Variants in CAST observed in about 807,000 individuals in gnomAD.
The protein encoded by CAST is calpastatin, also known as MIR583 host.
CAST carries 76 observed loss-of-function variants against 119.6 expected under a neutral mutation model. The ratio of observed to expected loss-of-function variants is 0.64; its 90% CI spans 0.53 to 0.77. The LOEUF (loss-of-function observed/expected upper bound fraction) is 0.77. Among genes scored for constraint, CAST ranks in the 30% least tolerant of loss-of-function variants. CAST has a pLI of 0.00. For missense variants in CAST, 953 were observed against 946.5 expected (o/e 1.01, Z -0.09); for synonymous variants, 319 against 331.6 (o/e 0.96, Z 0.41).
chr5:95,989,554 C>T, the CAST span, among the ~76,000 whole-genome samples: 6 of 152,130 alleles, frequency 3.9e-5, no homozygotes, highest in Non-Finnish European at 7.4e-5. Flanking sequence ...AGTAAATAGG[C>T]CTGATTACCT....
intron 1 of CAST, among the ~76,000 whole-genome samples, chr5:96,555,243 G>A (rs1366699467): frequency 1.3e-5 from 2 of 152,108 alleles, no homozygotes; most frequent in Non-Finnish European, 2.9e-5. Flanking sequence ...TGAGTTCGGA[G>A]GGTGGAGCCA....
the CAST span, chr5:96,318,728 G>A: frequency 2.6e-5 from 4 of 152,202 alleles, no homozygotes; most frequent in African/African-American, 7.2e-5. Flanking sequence ...ATATCACTCC[G>A]CACTTTGCTT....
At chr5:96,165,927 T>G in the CAST span, among the ~76,000 whole-genome samples, 1 of 152,174 alleles carries the variant, frequency 6.6e-6, no homozygotes, top group East Asian at 1.9e-4. Context: ...AGGACACACT[T>G]TCACATTTAA....
the CAST span, chr5:96,079,163 G>A: frequency 4.2e-6 from 2 of 475,142 alleles, no homozygotes; most frequent in South Asian, 3.1e-5. Context: ...CAAAGAGGAA[G>A]GTCCCATTAC....
At chr5:96,669,560 G>C (rs1163709301) in intron 1 of CAST, among the ~76,000 whole-genome samples, 1 of 152,176 alleles carries the variant, frequency 6.6e-6, no homozygotes, top group African/African-American at 2.4e-5. Context: ...GTACAATAAA[G>C]TGCTAATTTG....
At chr5:96,479,897 A>G in the CAST span, among the ~76,000 whole-genome samples, 21 of 152,308 alleles carry the variant, frequency 1.4e-4, no homozygotes, top group South Asian at 4.4e-3. Context: ...GGGTGGCAAG[A>G]GCACTCCAGG....
chr5:96,048,226 T>C, the CAST span, among the ~76,000 whole-genome samples: 2 of 152,270 alleles, frequency 1.3e-5, no homozygotes, highest in African/African-American at 4.8e-5. Context: ...TGATCATATT[T>C]GTGTTTTGCA....
intron 21 of CAST, 59 bp downstream of exon 21, chr5:96,754,220 C>A (rs1765787250): frequency 4.0e-6 from 4 of 1,010,706 alleles, no homozygotes; most frequent in Admixed American, 3.6e-5. Flanking sequence ...TCTCCCCCTG[C>A]AAATAAGTTA....
At chr5:96,405,321 T>C in the CAST span, among the ~76,000 whole-genome samples, 1 of 152,174 alleles carries the variant, frequency 6.6e-6, no homozygotes, top group Non-Finnish European at 1.5e-5. Flanking sequence ...CTATAAGCCA[T>C]TCCCCAGAAA....
chr5:96,361,413 C>T, the CAST span, among the ~76,000 whole-genome samples: 14 of 152,200 alleles, frequency 9.2e-5, 1 homozygote, highest in Non-Finnish European at 1.9e-4. Context: ...TCAGTGTCTG[C>T]CCAAATGGCT....
chr5:96,742,842 C>A, intron 16 of CAST, 86 bp downstream of exon 16: 1 of 933,280 alleles, frequency 1.1e-6, no homozygotes, highest in Non-Finnish European at 1.7e-6. Context: ...AATTCTCGCA[C>A]AACTTTTATT....
the CAST span, among the ~76,000 whole-genome samples, chr5:96,284,482 C>T: frequency 6.6e-6 from 1 of 152,132 alleles, no homozygotes; most frequent in African/African-American, 2.4e-5. Flanking sequence ...TGACGGTGGG[C>T]TCTATTTTGG....
chr5:96,713,413 G>A (rs1756586041), intron 3 of CAST, among the ~76,000 whole-genome samples: 1 of 152,070 alleles, frequency 6.6e-6, no homozygotes, highest in Non-Finnish European at 1.5e-5. Context: ...TTGCAGGTGT[G>A]AGCCACCGTG....
chr5:96,319,396 AAC>A, the CAST span, among the ~76,000 whole-genome samples: 2 of 152,184 alleles, frequency 1.3e-5, no homozygotes, highest in Non-Finnish European at 2.9e-5. Context: ...ATGAAAATGA[AAC>A]ACAGAAAAAT....
intron 1 of CAST, chr5:96,663,104 C>G (rs772002692): frequency 1.4e-6 from 1 of 702,478 alleles, no homozygotes; most frequent in South Asian, 1.5e-5. Context: ...CCGGCTCCCC[C>G]GCCGTGCGGA....
intron 1 of CAST, among the ~76,000 whole-genome samples, chr5:96,563,638 C>T (rs1299488265): frequency 1.4e-5 from 2 of 142,164 alleles, no homozygotes; most frequent in African/African-American, 5.2e-5. Flanking sequence ...TACCATATTA[C>T]ATGTATTACT....
At chr5:96,102,228 G>T in the CAST span, among the ~76,000 whole-genome samples, 1 of 152,144 alleles carries the variant, frequency 6.6e-6, no homozygotes, top group Non-Finnish European at 1.5e-5. Flanking sequence ...GATGGTGGAG[G>T]CAGAGAATTT....
At chr5:96,314,371 G>C in the CAST span, among the ~76,000 whole-genome samples, 1 of 152,098 alleles carries the variant, frequency 6.6e-6, no homozygotes, top group Non-Finnish European at 1.5e-5. Context: ...GTGATCACTT[G>C]CTTTTGTTAG....
chr5:96,189,970 G>A, the CAST span, among the ~76,000 whole-genome samples: 1 of 152,056 alleles, frequency 6.6e-6, no homozygotes, highest in East Asian at 1.9e-4. Flanking sequence ...GGTATTCCTC[G>A]TATGTCTGGT....
Sources: allele counts gnomAD v4.1 joint callset (sites outside exome capture counted in the v4.1 genomes callset), GRCh38; gene constraint gnomAD v4.1.1; transcripts MANE v1.5; gene names NCBI Gene and HGNC (gene_info 2026-07-23, HGNC 2026-07-21).